LRRC4C: variants seen among roughly 807,000 people sequenced by gnomAD.
LRRC4C encodes leucine rich repeat containing 4C, also known as leucine-rich repeat-containing protein 4C.
A neutral mutation model predicts 33.6 loss-of-function variants in LRRC4C; 5 were observed. The ratio of observed to expected loss-of-function variants is 0.15; its 90% CI spans 0.08 to 0.31. The LOEUF (loss-of-function observed/expected upper bound fraction) is 0.31. LRRC4C is among the 10% of genes least tolerant of loss of function. The pLI is 1.00. For missense variants in LRRC4C, 560 were observed against 796.7 expected (o/e 0.70, Z 3.58); for synonymous variants, 329 against 302.0 (o/e 1.09, Z -0.93).
chr11:40,921,712 T>G (rs1280531736), intron 2 of LRRC4C, among the ~76,000 whole-genome samples: 1 of 152,234 alleles, frequency 6.6e-6, no homozygotes, highest in African/African-American at 2.4e-5. Context: ...TCAAAGTAAT[T>G]GGAATATCCA....
chr11:41,276,319 G>T (rs73481769), intron 1 of LRRC4C, among the ~76,000 whole-genome samples: 44 of 152,244 alleles, frequency 2.9e-4, no homozygotes, highest in African/African-American at 1.0e-3. Context: ...ACACAGGACA[G>T]CCAGCCTGTG....
chr11:40,978,405 G>A (rs966886909), intron 1 of LRRC4C, among the ~76,000 whole-genome samples: 3 of 152,016 alleles, frequency 2.0e-5, no homozygotes, highest in Admixed American at 2.0e-4. Flanking sequence ...TACACTCCGG[G>A]GAATATTTTA....
At chr11:40,666,486 C>CA (rs1269648985) in intron 2 of LRRC4C, among the ~76,000 whole-genome samples, 1 of 151,980 alleles carries the variant, frequency 6.6e-6, no homozygotes, top group Non-Finnish European at 1.5e-5. Context: ...ATGAACTTGA[C>CA]AAAATGGTAA....
Position 41,208,955 on chromosome 11 carries a change from C to T in LRRC4C, c.-496+250476G>A, listed in dbSNP as rs910435351. ...GAGAAGGTGGGGCTGCTGCAACCCC[C>T]GTGGGTTTGGAGTGCAGAGAGGCCA... On this transcript the variant is annotated intron_variant, in intron 1 of 6. Transcript: ENST00000528697. 4.6e-5 allele frequency among the ~76,000 whole-genome samples: 7 copies of T among 151,942 alleles called. No individual in the cohort carries two copies. In the South Asian group the frequency reaches 1.5e-3, roughly 32 times the overall value.
At chr11:40,626,673 T>C (rs1962958386) in intron 3 of LRRC4C, among the ~76,000 whole-genome samples, 1 of 152,214 alleles carries the variant, frequency 6.6e-6, no homozygotes, top group Non-Finnish European at 1.5e-5. Flanking sequence ...TGTTCAGCTC[T>C]TATTGAGCTC....
rs562785410 is a variant in LRRC4C, at chr11:40,984,893, CTTTTTTTT to C, written c.-495-51178_-495-51171del. 4.2e-4 allele frequency among the ~76,000 whole-genome samples: 22 copies of C among 52,270 alleles called. 1 individual carries two copies. The highest frequency in any genetic ancestry group is 1.2e-3 in the East Asian group (2 of 1,666). 34.3% of individuals were successfully genotyped at this position (52,270 alleles called of 152,430 possible). A position where few individuals can be genotyped will look rare whatever the true frequency, so the allele number is the denominator to read the frequency against. ...CACGACAACTCTGTTCTCACTGACA[CTTTTTTTT>C]TTTTTTTTTTTTTTTTTTGAGACGC... On this transcript the variant is annotated intron_variant, in intron 1 of 6. Coordinates refer to ENST00000528697, the MANE Select transcript of LRRC4C (RefSeq NM_001258419.2).
intron 1 of LRRC4C, among the ~76,000 whole-genome samples, chr11:40,945,165 G>T (rs892126323): frequency 3.0e-4 from 46 of 151,836 alleles, no homozygotes; most frequent in African/African-American, 9.9e-4. Flanking sequence ...GAGTAGCTGG[G>T]ACTACAGGCG....
intron 1 of LRRC4C, among the ~76,000 whole-genome samples, chr11:41,016,069 A>G: frequency 6.6e-6 from 1 of 152,204 alleles, no homozygotes; most frequent in Non-Finnish European, 1.5e-5. Flanking sequence ...CTATATTTTC[A>G]AAGAAAAAAA....
At chr11:40,925,680 CTT>C (rs1957383416) in intron 2 of LRRC4C, among the ~76,000 whole-genome samples, 1 of 152,114 alleles carries the variant, frequency 6.6e-6, no homozygotes, top group Non-Finnish European at 1.5e-5. Flanking sequence ...TTTGGACAAA[CTT>C]ATGTTGAATC....
intron 2 of LRRC4C, among the ~76,000 whole-genome samples, chr11:40,812,643 A>T (rs1364468541): frequency 6.6e-6 from 1 of 152,208 alleles, no homozygotes; most frequent in Non-Finnish European, 1.5e-5. Flanking sequence ...CTAAGCCACA[A>T]AAATGAAAAT....
intron 3 of LRRC4C, among the ~76,000 whole-genome samples, chr11:40,422,232 G>A (rs1029250296): frequency 6.6e-6 from 1 of 152,154 alleles, no homozygotes; most frequent in African/African-American, 2.4e-5. Context: ...CCAGTAACAC[G>A]GAGGAAAGGG....
chr11:40,505,822 G>A (rs1955006767), intron 3 of LRRC4C, among the ~76,000 whole-genome samples: 2 of 151,972 alleles, frequency 1.3e-5, no homozygotes, highest in African/African-American at 4.8e-5. Context: ...TATCATTTTT[G>A]ACCTCCCCCC....
chr11:40,240,060 C>T (rs906050293), intron 5 of LRRC4C, among the ~76,000 whole-genome samples: 18 of 152,124 alleles, frequency 1.2e-4, no homozygotes, highest in East Asian at 3.8e-4. Context: ...TTTTAAGAAG[C>T]GTGGATACTG....
At chr11:41,025,160 G>T (rs1360975446) in intron 1 of LRRC4C, among the ~76,000 whole-genome samples, 1 of 151,492 alleles carries the variant, frequency 6.6e-6, no homozygotes, top group East Asian at 1.9e-4. Context: ...CCCTACAATG[G>T]CCTTTAAGTT....
chr11:40,358,436 G>A (rs1324996436), intron 3 of LRRC4C, among the ~76,000 whole-genome samples: 2 of 152,052 alleles, frequency 1.3e-5, no homozygotes, highest in East Asian at 1.9e-4. Context: ...GCATACCACT[G>A]TGCTTGGCTA....
intron 1 of LRRC4C, among the ~76,000 whole-genome samples, chr11:41,111,295 T>C (rs1383517659): frequency 1.3e-5 from 2 of 152,024 alleles, no homozygotes; most frequent in Non-Finnish European, 2.9e-5. Context: ...GTAATGAAGC[T>C]CATCATTACC....
chr11:40,798,116 T>C (rs188580576), intron 2 of LRRC4C, among the ~76,000 whole-genome samples: 76 of 152,308 alleles, frequency 5.0e-4, no homozygotes, highest in African/African-American at 1.8e-3. Flanking sequence ...TCCCTGTTCA[T>C]TAGACAAAGG....
At chr11:40,137,138 G>T (rs2134907215) in intron 6 of LRRC4C, among the ~76,000 whole-genome samples, 1 of 151,128 alleles carries the variant, frequency 6.6e-6, no homozygotes, top group East Asian at 2.0e-4. Flanking sequence ...GATTAAACCT[G>T]TACACCTATG....
In LRRC4C at chr11:40,133,500, A is replaced by G. The variant is rs373596508; in HGVS notation, c.-43+7301T>C. On this transcript the variant is annotated intron_variant, in intron 6 of 6. Coordinates refer to ENST00000528697, the MANE Select transcript of LRRC4C (RefSeq NM_001258419.2). ...ATGTCTGGGATTTATTTTATAGTAGAGTGCGGGGAAAGATAATCTCTAAAG... is the reference window on the plus strand; with the variant it reads ...ATGTCTGGGATTTATTTTATAGTAGGGTGCGGGGAAAGATAATCTCTAAAG... 5.1e-4 allele frequency among the ~76,000 whole-genome samples: 78 copies of G among 152,308 alleles called. 2 individuals are homozygous for G. In the South Asian group the frequency reaches 0.016, roughly 31 times the overall value.
Sources: allele counts gnomAD v4.1 joint callset (sites outside exome capture counted in the v4.1 genomes callset), GRCh38; gene constraint gnomAD v4.1.1; transcripts MANE v1.5; gene names NCBI Gene and HGNC (gene_info 2026-07-23, HGNC 2026-07-21).